Variants in SETBP1 observed in about 807,000 individuals in gnomAD.
SETBP1 encodes the protein SET binding protein 1.
A neutral mutation model predicts 101.0 loss-of-function variants in SETBP1; 9 were observed. The observed-to-expected ratio is 0.09, with a 90% CI of 0.05 to 0.16. The LOEUF is 0.16. Among genes scored for constraint, SETBP1 ranks in the 10% least tolerant of loss-of-function variants. SETBP1 has a pLI of 1.00. For missense variants in SETBP1, 1,858 were observed against 2,033.8 expected (o/e 0.91, Z 1.66); for synonymous variants, 818 against 788.5 (o/e 1.04, Z -0.63).
chr18:44,954,758 G>A (rs1205992686), intron 4 of SETBP1, among the ~76,000 whole-genome samples: 2 of 152,176 alleles, frequency 1.3e-5, no homozygotes, highest in African/African-American at 2.4e-5. Flanking sequence ...CAAAGTGGAT[G>A]TGCTCATCTG....
rs142145067 is a variant in SETBP1 at position 44,762,568 on chromosome 18, A to G, written c.486+60736A>G. Among the ~76,000 whole-genome samples, 6 of 152,306 alleles carry G rather than the reference A, an allele frequency of 3.9e-5. No homozygotes were observed. In the East Asian group the frequency reaches 1.2e-3, roughly 29 times the overall value. ...GTATTATCTCAATGGTTGACAGGGTATATTGTGAAGCAGAAAGGGAAGATG... is the reference window on the plus strand; with the variant it reads ...GTATTATCTCAATGGTTGACAGGGTGTATTGTGAAGCAGAAAGGGAAGATG... On this transcript the variant is annotated intron_variant, in intron 2 of 5. Coordinates refer to ENST00000649279, the MANE Select transcript of SETBP1 (RefSeq NM_015559.3).
At chr18:44,855,770 T>C (rs1224196669) in intron 2 of SETBP1, among the ~76,000 whole-genome samples, 1 of 152,232 alleles carries the variant, frequency 6.6e-6, no homozygotes, top group Non-Finnish European at 1.5e-5. Flanking sequence ...CTCACTGGCA[T>C]GGTGTGCTCA....
intron 3 of SETBP1, among the ~76,000 whole-genome samples, chr18:44,899,490 T>C (rs753442713): frequency 3.9e-5 from 6 of 152,198 alleles, no homozygotes; most frequent in Non-Finnish European, 5.9e-5. Context: ...GTCAGCCATG[T>C]AGGAGAGAGC....
At chr18:44,725,051 G>A (rs536688468) in intron 2 of SETBP1, among the ~76,000 whole-genome samples, 2 of 152,200 alleles carry the variant, frequency 1.3e-5, no homozygotes, top group East Asian at 3.9e-4. Context: ...TTAGCACATG[G>A]TCACTGGCAA....
intron 2 of SETBP1, among the ~76,000 whole-genome samples, chr18:44,772,630 T>G (rs1350218542): frequency 6.6e-6 from 1 of 152,158 alleles, no homozygotes; most frequent in Non-Finnish European, 1.5e-5. Context: ...CCCAAGTAAT[T>G]ATGTGCCGTG....
chr18:44,726,412 T>C (rs2144367010), intron 2 of SETBP1, among the ~76,000 whole-genome samples: 1 of 152,354 alleles, frequency 6.6e-6, no homozygotes, highest in East Asian at 1.9e-4. Flanking sequence ...TACCTGCAAA[T>C]GTATATGTAA....
chr18:44,945,657 A>G (rs1346832341), intron 3 of SETBP1, among the ~76,000 whole-genome samples: 2 of 152,322 alleles, frequency 1.3e-5, no homozygotes, highest in Admixed American at 1.3e-4. Context: ...TGTGTGCCCA[A>G]TATGGAATGT....
intron 2 of SETBP1, among the ~76,000 whole-genome samples, chr18:44,741,869 G>A (rs2070106578): frequency 6.6e-6 from 1 of 152,184 alleles, no homozygotes; most frequent in Non-Finnish European, 1.5e-5. Flanking sequence ...GCTCAGCCGA[G>A]AGAGCTTTCT....
At chr18:44,795,636 A>T (rs556713079) in intron 2 of SETBP1, among the ~76,000 whole-genome samples, 1 of 152,362 alleles carries the variant, frequency 6.6e-6, no homozygotes, top group Non-Finnish European at 1.5e-5. Flanking sequence ...TAAAAGCCTG[A>T]CAAGAATACG....
intron 2 of SETBP1, among the ~76,000 whole-genome samples, chr18:44,857,261 C>T (rs2072997698): frequency 1.3e-5 from 2 of 152,184 alleles, no homozygotes; most frequent in African/African-American, 4.8e-5. Flanking sequence ...CCCTACCACT[C>T]CACCACTTTT....
At chr18:44,883,204 G>C (rs528161617) in intron 3 of SETBP1, among the ~76,000 whole-genome samples, 2 of 152,262 alleles carry the variant, frequency 1.3e-5, no homozygotes, top group East Asian at 3.9e-4. Context: ...GGACATCTCT[G>C]ACTTGGTAAC....
intron 2 of SETBP1, among the ~76,000 whole-genome samples, chr18:44,754,177 A>G (rs1265305084): frequency 6.6e-6 from 1 of 151,892 alleles, no homozygotes; most frequent in East Asian, 1.9e-4. Flanking sequence ...TTTCCCAATC[A>G]CTCTGCAGGT....
At chr18:44,775,775 G>A (rs1182228232) in intron 2 of SETBP1, among the ~76,000 whole-genome samples, 1 of 150,628 alleles carries the variant, frequency 6.6e-6, no homozygotes, top group African/African-American at 2.4e-5. Flanking sequence ...TTAGAATAAC[G>A]AGATTAAAGA....
At chr18:45,029,022 C>G (rs950319596) in intron 4 of SETBP1, among the ~76,000 whole-genome samples, 3 of 152,028 alleles carry the variant, frequency 2.0e-5, no homozygotes, top group Non-Finnish European at 4.4e-5. Context: ...TTAATTAGAT[C>G]CTATTTGTCA....
At chr18:44,780,709 C>T (rs987909540) in intron 2 of SETBP1, among the ~76,000 whole-genome samples, 1 of 152,292 alleles carries the variant, frequency 6.6e-6, no homozygotes, top group African/African-American at 2.4e-5. Flanking sequence ...AATAGTTGCC[C>T]TCATAGTTAT....
At chr18:44,933,014 A>C (rs938705100) in intron 3 of SETBP1, among the ~76,000 whole-genome samples, 3 of 152,176 alleles carry the variant, frequency 2.0e-5, no homozygotes, top group Non-Finnish European at 4.4e-5. Flanking sequence ...ATTCCTTTGG[A>C]GGAGAAGAGG....
intron 1 of SETBP1, among the ~76,000 whole-genome samples, chr18:44,689,239 C>T (rs2068888460): frequency 6.6e-6 from 1 of 152,108 alleles, no homozygotes; most frequent in South Asian, 2.1e-4. Flanking sequence ...TTGAGAATTG[C>T]CTCAAGGAAA....
intron 5 of SETBP1, among the ~76,000 whole-genome samples, chr18:45,047,331 A>G (rs2073632777): frequency 1.3e-5 from 2 of 152,222 alleles, no homozygotes. Context: ...TATAAATGGG[A>G]GAGAATGAAA....
intron 2 of SETBP1, among the ~76,000 whole-genome samples, chr18:44,782,337 G>A (rs2071148717): frequency 6.6e-6 from 1 of 150,872 alleles, no homozygotes; most frequent in African/African-American, 2.4e-5. Context: ...AAAAAGAAAT[G>A]TATTTTTTGC....
Sources: gnomAD v4.1 joint callset for allele counts (sites outside exome capture counted in the v4.1 genomes callset) on GRCh38, gnomAD v4.1.1 for gene constraint, MANE v1.5 for transcripts, NCBI Gene and HGNC (gene_info 2026-07-23, HGNC 2026-07-21) for gene names.